The following SMC6 variants were observed in gnomAD, a reference collection of about 807,000 sequenced individuals.
SMC6 encodes the protein structural maintenance of chromosomes 6.
SMC6 carries 79 observed loss-of-function variants against 142.2 expected under a neutral mutation model. The observed-to-expected ratio is 0.56, with a 90% CI of 0.46 to 0.67. SMC6 has a LOEUF of 0.67. Ranked by LOEUF, SMC6 falls within the 30% of genes least tolerant of loss-of-function variation. SMC6 has a pLI of 0.00. For missense variants in SMC6, 1,072 were observed against 1,284.0 expected, an observed-to-expected ratio of 0.83 and a Z score of 2.52; for synonymous variants, 411 against 412.4, an observed-to-expected ratio of 1.00 and a Z score of 0.04.
chr2:17,726,508 T>C, intron 7 of SMC6, 39 bp from the exon 8 acceptor site: 3 of 1,551,514 alleles, frequency 1.9e-6, no homozygotes, highest in African/African-American at 1.4e-5. Context: ...TATTTTACTT[T>C]AATGCTTTAA....
chr2:17,712,414 A>T (rs781017993), intron 16 of SMC6, among the ~76,000 whole-genome samples: 6 of 152,194 alleles, frequency 3.9e-5, no homozygotes, highest in Non-Finnish European at 8.8e-5. Context: ...AGGCACAAGT[A>T]GACTAGCCTC....
At chr2:17,717,218 C>T (rs764330414) in intron 12 of SMC6, 42 bp from the exon 13 acceptor site, 2 of 1,420,596 alleles carry the variant, frequency 1.4e-6, no homozygotes, top group Middle Eastern at 1.9e-4. Context: ...AATGAAAACA[C>T]AAATATCCCA....
At chr2:17,724,207 A>G (rs1383533666) in intron 9 of SMC6, among the ~76,000 whole-genome samples, 1 of 152,178 alleles carries the variant, frequency 6.6e-6, no homozygotes, top group Non-Finnish European at 1.5e-5. Context: ...ATTCCAAGAA[A>G]GTGTGCTTTA....
chr2:17,684,368 A>G (rs780707803), intron 23 of SMC6, among the ~76,000 whole-genome samples: 1 of 152,186 alleles, frequency 6.6e-6, no homozygotes, highest in African/African-American at 2.4e-5. Context: ...AAATTCAACT[A>G]ATTAAAAAAA....
At chr2:17,696,492 T>A in intron 21 of SMC6, 66 bp from the exon 22 acceptor site, 1 of 1,514,312 alleles carries the variant, frequency 6.6e-7, no homozygotes. Flanking sequence ...ATAAAGATAA[T>A]AAACAACTCG....
intron 18 of SMC6, among the ~76,000 whole-genome samples, chr2:17,706,242 C>G (rs1182215010): frequency 1.3e-5 from 2 of 151,890 alleles, no homozygotes; most frequent in Middle Eastern, 3.4e-3. Context: ...TTTTATGAAC[C>G]ACGCTGGTAA....
intron 12 of SMC6, 95 bp from the exon 13 acceptor site, chr2:17,717,271 C>G (rs945572431): frequency 1.3e-6 from 1 of 762,422 alleles, no homozygotes; most frequent in African/African-American, 1.8e-5. Context: ...TGAATATATA[C>G]AGGAATATAT....
intron 26 of SMC6, among the ~76,000 whole-genome samples, chr2:17,668,227 A>G (rs960089061): frequency 6.6e-6 from 1 of 152,250 alleles, no homozygotes. Flanking sequence ...CATTCTGGAC[A>G]AAAACACTGC....
chr2:17,749,952 C>T (rs1670944941), intron 2 of SMC6, among the ~76,000 whole-genome samples: 1 of 152,182 alleles, frequency 6.6e-6, no homozygotes, highest in African/African-American at 2.4e-5. Context: ...ACCACATCCT[C>T]AATTCTACTC....
intron 25 of SMC6, among the ~76,000 whole-genome samples, chr2:17,672,956 G>T (rs533147358): frequency 1.3e-5 from 2 of 152,294 alleles, no homozygotes; most frequent in African/African-American, 4.8e-5. Flanking sequence ...TTATGCCCAA[G>T]AATGGAGCTG....
intron 19 of SMC6, 45 bp from the exon 20 acceptor site, chr2:17,701,954 A>C: frequency 1.0e-6 from 1 of 986,054 alleles, no homozygotes; most frequent in Middle Eastern, 3.1e-4. Context: ...AAAAAAATTT[A>C]AACCGAAAAC....
At chr2:17,747,899 C>T (rs563729343) in intron 2 of SMC6, among the ~76,000 whole-genome samples, 2 of 152,162 alleles carry the variant, frequency 1.3e-5, no homozygotes, top group South Asian at 4.1e-4. Flanking sequence ...TGGAAAACTC[C>T]ACTGTACACT....
chr2:17,716,491 C>T (rs568185672), intron 14 of SMC6, among the ~76,000 whole-genome samples: 1 of 152,248 alleles, frequency 6.6e-6, no homozygotes, highest in South Asian at 2.1e-4. Context: ...CTAGGAATCC[C>T]AGAAATTGTT....
intron 2 of SMC6, 33 bp downstream of exon 2, chr2:17,752,945 A>G (rs78503884): frequency 2.3e-6 from 2 of 872,566 alleles, no homozygotes; most frequent in Non-Finnish European, 2.8e-6. Context: ...CTCAAACACC[A>G]AATGATTGCT....
chr2:17,751,127 TTA>T (rs910534358), intron 2 of SMC6, among the ~76,000 whole-genome samples: 23 of 151,850 alleles, frequency 1.5e-4, no homozygotes, highest in African/African-American at 5.6e-4. Context: ...CTAAATGCCA[TTA>T]TAAGTTCATG....
In SMC6 at chr2:17,665,599, C is replaced by G. The variant is rs756423587; in HGVS notation, c.3176G>C (p.Ser1059Thr). ...TPQSMSSLPS[S>T]KLIRILRMSD... ...CATTCGGAGAATTCTTATCAGTTTA[C>G]TGGATGGAAGTGAACTAGAAGAAGC... Residue 1059 changes from serine (S) to threonine (T), a missense_variant, in exon 28 of 28, where the codon AGT becomes ACT. Physicochemically the swap from Ser to Thr is moderately conservative, Grantham distance 58. This residue lies in a region of SMC6 where 76 missense variants were observed against 112.3 expected (regional missense o/e 0.68). Transcript: ENST00000448223. 7 of 1,607,886 alleles carry G rather than the reference C, an allele frequency of 4.4e-6. No individual in the cohort carries two copies. In the East Asian group the frequency reaches 1.3e-4, roughly 31 times the overall value.
At chr2:17,753,243 C>T (rs750878186) in intron 1 of SMC6, among the ~76,000 whole-genome samples, 179 bp from the exon 2 acceptor site, 6 of 106,530 alleles carry the variant, frequency 5.6e-5, no homozygotes, top group African/African-American at 8.5e-5. Context: ...TCATCAGACT[C>T]ATGCTAAGAG....
intron 23 of SMC6, among the ~76,000 whole-genome samples, chr2:17,693,012 T>C (rs1486068144): frequency 2.6e-5 from 4 of 152,100 alleles, no homozygotes; most frequent in Non-Finnish European, 5.9e-5. Context: ...TGAGACACCA[T>C]CTCACACCAG....
chr2:17,748,028 G>A (rs1020717630), intron 2 of SMC6, among the ~76,000 whole-genome samples: 3 of 152,184 alleles, frequency 2.0e-5, no homozygotes, highest in South Asian at 2.1e-4. Flanking sequence ...TTTGCAAAGT[G>A]CAGCTACAGG....
Sources: gnomAD v4.1 joint callset for allele counts (sites outside exome capture counted in the v4.1 genomes callset) on GRCh38, gnomAD v4.1.1 for gene constraint, gnomAD v4.1.1 regional missense constraint, MANE v1.5 for transcripts, NCBI Gene and HGNC (gene_info 2026-07-23, HGNC 2026-07-21) for gene names.